The following SATB2 variants were observed in gnomAD, a reference collection of about 807,000 sequenced individuals.
SATB2 encodes the protein SATB homeobox 2.
In SATB2, 1 loss-of-function variant was observed where a neutral mutation model predicts 73.4. That is an observed-to-expected ratio of 0.01 (90% CI 0.00 to 0.06). SATB2 has a LOEUF of 0.06. Ranked by LOEUF, SATB2 falls within the 10% of genes least tolerant of loss-of-function variation. The pLI, the probability that SATB2 is intolerant of heterozygous loss-of-function variation, is 1.00. For missense variants in SATB2, 459 were observed against 945.8 expected, an observed-to-expected ratio of 0.49 and a Z score of 6.75; for synonymous variants, 397 against 367.0, an observed-to-expected ratio of 1.08 and a Z score of -0.93.
chr2:199,426,438 G>A lies in SATB2; in HGVS notation c.346+6900C>T, dbSNP rs376954099. 6.6e-5 allele frequency among the ~76,000 whole-genome samples: 10 copies of A among 151,832 alleles called. No homozygotes were observed. The South Asian group carries it at 8.4e-4, about 13-fold the overall frequency. ...ACAGTAGCTGGGATTACAGGTGTGCGCCACTGTGCCTGGCTAATTTTTGTA... is the reference window on the plus strand; with the variant it reads ...ACAGTAGCTGGGATTACAGGTGTGCACCACTGTGCCTGGCTAATTTTTGTA... On this transcript the variant is annotated intron_variant, in intron 3 of 10. Coordinates refer to ENST00000417098, the MANE Select transcript of SATB2 (RefSeq NM_001172509.2).
At chr2:199,354,922 T>C (rs1688926946) in intron 6 of SATB2, among the ~76,000 whole-genome samples, 1 of 152,112 alleles carries the variant, frequency 6.6e-6, no homozygotes, top group South Asian at 2.1e-4. Flanking sequence ...TCTATGACCA[T>C]TAGCTATTCA....
intron 6 of SATB2, among the ~76,000 whole-genome samples, chr2:199,356,401 G>T (rs1688986882): frequency 6.6e-6 from 1 of 151,906 alleles, no homozygotes. Context: ...ATTTCAAATT[G>T]GTACCCAAAC....
intron 10 of SATB2, among the ~76,000 whole-genome samples, chr2:199,273,321 T>C (rs1692214321): frequency 6.6e-6 from 1 of 152,196 alleles, no homozygotes; most frequent in Non-Finnish European, 1.5e-5. Flanking sequence ...TCTATTCTAT[T>C]GCAAAAACAA....
Position 199,348,503 on chromosome 2 carries a change from A to G in SATB2, c.1173+198T>C, listed in dbSNP as rs1574531847. 4 of 619,262 alleles carry G rather than the reference A, an allele frequency of 6.5e-6. No individual in the cohort carries two copies. In the East Asian group the frequency reaches 1.1e-4, roughly 18 times the overall value. The allele number at this position is 619,262 out of a possible 1,614,324, so 38.4% of individuals were successfully genotyped here. A position where few individuals can be genotyped will look rare whatever the true frequency, so the allele number is the denominator to read the frequency against. ...TTCAAAGATGTCCATTACCTCATCA[A>G]AATTAATCAATTAGTTAATTAATCA... On this transcript the variant is annotated intron_variant, in intron 7 of 10. Transcript: ENST00000417098.
At chr2:199,447,630 A>T (rs1342284706) in intron 2 of SATB2, among the ~76,000 whole-genome samples, 6 of 152,074 alleles carry the variant, frequency 3.9e-5, no homozygotes, top group African/African-American at 1.4e-4. Flanking sequence ...AGAAAATGGG[A>T]TTTTCCTGGT....
At chr2:199,345,785 C>T (rs946616879) in intron 7 of SATB2, among the ~76,000 whole-genome samples, 5 of 152,174 alleles carry the variant, frequency 3.3e-5, no homozygotes, top group Non-Finnish European at 5.9e-5. Flanking sequence ...ATCAAACCTC[C>T]ATAAGACCTA....
rs753271408 is a variant in SATB2, at chr2:199,271,290, C to T, written c.*921G>A. 1.3e-5 allele frequency: 2 copies of T among 152,708 alleles called. No homozygotes were observed. The highest frequency in any genetic ancestry group is 4.8e-5 in the African/African-American group (2 of 41,436). 9.5% of individuals were successfully genotyped at this position (152,708 alleles called of 1,614,324 possible). A position where few individuals can be genotyped will look rare whatever the true frequency, so the allele number is the denominator to read the frequency against. ...GCACTAGTGGACAAAGTTTTCTCTGCACTGAATTTCAGTTTTACTTATTTG... is the reference window on the plus strand; with the variant it reads ...GCACTAGTGGACAAAGTTTTCTCTGTACTGAATTTCAGTTTTACTTATTTG... On this transcript the variant is annotated 3_prime_UTR_variant, in exon 11 of 11. Transcript: ENST00000417098.
Position 199,455,996 on chromosome 2 carries a change from G to T in SATB2, c.42C>A (p.Pro14=). ...RSESPCLRDS[P]DRRSGSPDVK... is the part of the protein sequence containing the mutation. ...CGTCCGGGCTGCCGCTCCGCCGGTC[G>T]GGGCTGTCCCGCAGACACGGGCTCT... Residue 14 remains proline, a synonymous_variant, in exon 2 of 11, where the codon CCC becomes CCA. Coordinates refer to ENST00000417098, the MANE Select transcript of SATB2 (RefSeq NM_001172509.2). The surrounding 1 kb of genome is among the most constrained non-coding windows in gnomAD (Gnocchi z 4.1). 1 of 1,542,082 alleles carries T rather than the reference G, an allele frequency of 6.5e-7. No individual in the cohort carries two copies. Among genetic ancestry groups the T allele is most frequent in the Non-Finnish European group, 8.7e-7 (1 of 1,148,744 alleles).
intron 3 of SATB2, among the ~76,000 whole-genome samples, chr2:199,408,938 T>C (rs1289357908): frequency 1.3e-5 from 2 of 151,682 alleles, no homozygotes; most frequent in Non-Finnish European, 2.9e-5. Flanking sequence ...AATGAGGGAG[T>C]GGGAAAAGAT....
chr2:199,463,574 G>A lies in SATB2; in HGVS notation c.-141+1262C>T, dbSNP rs1310739418. On this transcript the variant is annotated intron_variant, in intron 1 of 11. Transcript: ENST00000260926. This position sits in a 1 kb window ranked among gnomAD's most constrained non-coding sequence, Gnocchi z 6.4. ...AGCGTCCTCTCCCGACAGCGCCACC[G>A]CGTGGGCTGAGGCCGAAACCTTCGG... Among the ~76,000 whole-genome samples the A allele has an allele frequency of 6.6e-6, 1 of 152,184 alleles. No homozygotes were observed. Among genetic ancestry groups the A allele is most frequent in the African/African-American group, 2.4e-5 (1 of 41,466 alleles).
intron 3 of SATB2, among the ~76,000 whole-genome samples, chr2:199,425,193 T>C (rs1189952047): frequency 6.6e-6 from 1 of 152,234 alleles, no homozygotes; most frequent in Non-Finnish European, 1.5e-5. Flanking sequence ...TAATGAGACA[T>C]ACCTTAATTA....
At chr2:199,427,748 A>G (rs1691380013) in intron 3 of SATB2, among the ~76,000 whole-genome samples, 1 of 152,114 alleles carries the variant, frequency 6.6e-6, no homozygotes, top group African/African-American at 2.4e-5. Flanking sequence ...TCCATAAAAA[A>G]TGATTTTAGA....
chr2:199,344,045 T>C (rs1173868080), intron 7 of SATB2, among the ~76,000 whole-genome samples: 3 of 152,196 alleles, frequency 2.0e-5, no homozygotes, highest in East Asian at 1.9e-4. Flanking sequence ...CTGTCTTTGT[T>C]TTGCCTCATT....
chr2:199,299,180 G>A (rs1687208821), intron 10 of SATB2, among the ~76,000 whole-genome samples: 1 of 152,182 alleles, frequency 6.6e-6, no homozygotes, highest in African/African-American at 2.4e-5. Context: ...TATCTGTGTG[G>A]TCAGGGAGAA....
intron 10 of SATB2, among the ~76,000 whole-genome samples, chr2:199,277,068 T>G (rs538855211): frequency 1.3e-5 from 2 of 152,256 alleles, no homozygotes; most frequent in African/African-American, 2.4e-5. Context: ...GACCAAAAAC[T>G]GTATGATTCC....
intron 6 of SATB2, among the ~76,000 whole-genome samples, chr2:199,359,384 T>G (rs369646153): frequency 6.6e-6 from 1 of 152,350 alleles, no homozygotes; most frequent in East Asian, 1.9e-4. Context: ...TCAACTGAAT[T>G]GACTACTGTT....
Position 199,381,740 on chromosome 2 carries a change from G to A in SATB2, c.427C>T (p.Leu143=). The A allele has an allele frequency of 1.2e-6, 2 of 1,614,140 alleles. No individual in the cohort carries two copies. The highest frequency in any genetic ancestry group is 1.7e-6 in the Non-Finnish European group (2 of 1,179,976). ...DAPDATVADM[L]QDVYHVVTLK... is the part of the protein sequence containing the mutation. ...GTCACAACATGATAGACATCTTGTA[G>A]CATGTCGGCCACTGTCGCGTCGGGT... Residue 143 remains leucine (L), a synonymous_variant, in exon 4 of 11, where the codon CTA becomes TTA. Transcript: ENST00000417098.
chr2:199,303,425 A>G (rs1687341075), intron 10 of SATB2, among the ~76,000 whole-genome samples: 1 of 152,180 alleles, frequency 6.6e-6, no homozygotes, highest in Admixed American at 6.5e-5. Flanking sequence ...CAGTGTCACC[A>G]TTATTATTAC....
chr2:199,418,589 C>T (rs922810641), intron 3 of SATB2, among the ~76,000 whole-genome samples: 1 of 151,916 alleles, frequency 6.6e-6, no homozygotes. Context: ...CAAATCTTAA[C>T]GTGGTTTGCT....
Sources: allele counts gnomAD v4.1 joint callset (sites outside exome capture counted in the v4.1 genomes callset), GRCh38; gene constraint gnomAD v4.1.1; non-coding constraint Gnocchi (gnomAD v3.1); transcripts MANE v1.5; gene names NCBI Gene and HGNC (gene_info 2026-07-23, HGNC 2026-07-21).